The following SLC35B4 variants were observed in gnomAD, a reference collection of about 807,000 sequenced individuals.
SLC35B4 encodes solute carrier family 35 member B4.
In SLC35B4, 28 loss-of-function variants were observed where a neutral mutation model predicts 39.5. That is an observed-to-expected ratio of 0.71 (90% CI 0.53 to 0.97). The LOEUF is 0.97. SLC35B4 is among the 50% of genes least tolerant of loss of function. SLC35B4 has a pLI of 0.00. For missense variants in SLC35B4, 334 were observed against 414.3 expected (o/e 0.81, Z 1.68); for synonymous variants, 145 against 150.4 (o/e 0.96, Z 0.26).
rs13227485 is a variant in SLC35B4, at chr7:134,302,420, A to G, written c.345-310T>C. ...TGTTGCATTCTGCTCTCAAGAGTCC[A>G]GATGAAAGGCTGACCCAGTCCTTAC... On this transcript the variant is annotated intron_variant, in intron 4 of 9. Coordinates refer to ENST00000378509, the MANE Select transcript of SLC35B4 (RefSeq NM_032826.5). 7.0e-3 allele frequency among the ~76,000 whole-genome samples: 1,074 copies of G among 152,348 alleles called. 5 individuals are homozygous for G. Among genetic ancestry groups the G allele is most frequent in the Middle Eastern group, 0.02 (6 of 294 alleles).
At position 134,301,757 on chromosome 7, in the gene SLC35B4, T is replaced by G; in HGVS notation, c.487+4A>C. 1.2e-6 allele frequency: 2 copies of G among 1,613,194 alleles called. No homozygotes were observed. The highest frequency in any genetic ancestry group is 1.7e-6 in the Non-Finnish European group (2 of 1,179,218). On this transcript the variant is annotated splice_donor_region_variant and intron_variant, in intron 6 of 9. Coordinates refer to ENST00000378509, the MANE Select transcript of SLC35B4 (RefSeq NM_032826.5). ...ATTAGCTTTATTATAATTATTGTAC[T>G]TGCCTAGTAACCACCACACAAATGC...
At chr7:134,305,923 C>A (rs1219935334) in intron 3 of SLC35B4, among the ~76,000 whole-genome samples, 1 of 152,328 alleles carries the variant, frequency 6.6e-6, no homozygotes. Context: ...CCCACCTCAG[C>A]CTCCCAAAGT....
intron 2 of SLC35B4, among the ~76,000 whole-genome samples, chr7:134,307,449 T>C (rs1296046668): frequency 6.6e-6 from 1 of 152,228 alleles, no homozygotes; most frequent in African/African-American, 2.4e-5. Flanking sequence ...GTCATCACTG[T>C]GATTCAGAAA....
chr7:134,301,786 G>A lies in SLC35B4; in HGVS notation c.462C>T (p.Phe154=). The A allele has an allele frequency of 4.3e-6, 7 of 1,614,012 alleles. No individual in the cohort carries two copies. Among genetic ancestry groups the A allele is most frequent in the Non-Finnish European group, 5.9e-6 (7 of 1,179,948 alleles). The stretch of plus-strand genomic sequence containing the variant: ...CTAGTAACCACCACACAAATGCCTG[G>A]AATCCATCATTCTCACTCAAGCTGG... ...SQSSLSENDG[F]QAFVWWLLGI... The change falls in exon 6 of 10, where the codon TTC becomes TTT. Residue 154 remains phenylalanine, a synonymous_variant. Transcript: ENST00000378509.
rs1465348880 is a variant in SLC35B4, at chr7:134,296,459, A to G, written c.681T>C (p.Tyr227=). 1 of 1,613,082 alleles carries G rather than the reference A, an allele frequency of 6.2e-7. No individual in the cohort carries two copies. The highest frequency in any genetic ancestry group is 1.7e-5 in the Admixed American group (1 of 59,986). Residue 227 remains tyrosine, a synonymous_variant, in exon 9 of 10, where the codon TAT becomes TAC. Coordinates refer to ENST00000378509, the MANE Select transcript of SLC35B4 (RefSeq NM_032826.5). ...HAVLFNKSEL[Y]EIPVIGVTLP... ...GGGTCACTCCGATGACGGGAATTTC[A>G]TATAACTCTGTAGAGGTTACAAGAG...
chr7:134,309,396 A>C lies in SLC35B4; in HGVS notation c.161T>G (p.Leu54Trp), dbSNP rs200701170. Reference sequence around the variant, plus strand: ...TGGGATAGCTGGTGGCTTCCTTCCCAAATCAGCTTCAAAGAGGAAGCCTTC... The same window carrying C: ...TGGGATAGCTGGTGGCTTCCTTCCCCAATCAGCTTCAAAGAGGAAGCCTTC... Reference protein sequence around the residue: ...AVEGFLFEADLGRKPPAIPIR... With the variant: ...AVEGFLFEADWGRKPPAIPIR... Residue 54 changes from leucine to tryptophan, a missense_variant, in exon 2 of 10, where the codon TTG (leucine) becomes TGG (tryptophan). Leu to Trp is a moderately conservative substitution (Grantham distance 61). Coordinates refer to ENST00000378509, the MANE Select transcript of SLC35B4 (RefSeq NM_032826.5). 1.0e-4 allele frequency: 167 copies of C among 1,610,880 alleles called. No individual in the cohort carries two copies. The African/African-American group carries it at 1.9e-3, about 18-fold the overall frequency.
Position 134,294,825 on chromosome 7 carries a change from G to A in SLC35B4, c.*8C>T. The A allele has an allele frequency of 6.2e-7, 1 of 1,613,770 alleles. No homozygotes were observed. Among genetic ancestry groups the A allele is most frequent in the Non-Finnish European group, 8.5e-7 (1 of 1,179,926 alleles). On this transcript the variant is annotated 3_prime_UTR_variant, in exon 10 of 10. Coordinates refer to ENST00000378509, the MANE Select transcript of SLC35B4 (RefSeq NM_032826.5). ...CGACGACACTGGTCTACGTACTCCAGACAGGCCTCAGTTCTTCTTGCTGTC... is the reference window on the plus strand; with the variant it reads ...CGACGACACTGGTCTACGTACTCCAAACAGGCCTCAGTTCTTCTTGCTGTC...
rs539346719 is a variant in SLC35B4 at position 134,300,197 on chromosome 7, G to C, written c.552C>G (p.Leu184=). The C allele has an allele frequency of 3.7e-5, 59 of 1,612,962 alleles. No individual in the cohort carries two copies. The South Asian group carries it at 5.2e-4, about 14-fold the overall frequency. Residue 184 remains leucine, a synonymous_variant, in exon 7 of 10, where the codon CTC becomes CTG. Transcript: ENST00000378509. The stretch of plus-strand genomic sequence containing the variant: ...TGGAGTGTTTCCCAAATCGTTTGTA[G>C]AGAGTCTCTTGGAATATCCCCATCC... ...SARMGIFQET[L]YKRFGKHSKE...
chr7:134,302,351 G>A (rs762713041), intron 4 of SLC35B4, among the ~76,000 whole-genome samples: 46 of 152,108 alleles, frequency 3.0e-4, no homozygotes, highest in Non-Finnish European at 6.0e-4. Flanking sequence ...CTGACCAATC[G>A]ATTATTTCAT....
At chr7:134,301,335 GC>G (rs1236200177) in intron 6 of SLC35B4, among the ~76,000 whole-genome samples, 3 of 152,174 alleles carry the variant, frequency 2.0e-5, no homozygotes, top group Non-Finnish European at 4.4e-5. Context: ...TGGGAACACT[GC>G]CATATGGAAC....
upstream of SLC35B4, among the ~76,000 whole-genome samples, chr7:134,317,321 C>T (rs975735334): frequency 3.3e-5 from 5 of 152,022 alleles, no homozygotes; most frequent in Admixed American, 2.6e-4. Flanking sequence ...ATATATGTAT[C>T]TTTGGTGACT....
Position 134,294,929 on chromosome 7 carries a change from G to C in SLC35B4, c.900C>G (p.Thr300=). 6.2e-7 allele frequency: 1 copy of C among 1,614,168 alleles called. No homozygotes were observed. The highest frequency in any genetic ancestry group is 8.5e-7 in the Non-Finnish European group (1 of 1,180,028). The change falls in exon 10 of 10, where the codon ACC becomes ACG. Residue 300 remains threonine, a synonymous_variant. Coordinates refer to ENST00000378509, the MANE Select transcript of SLC35B4 (RefSeq NM_032826.5). ...TTAAGGTCCCAATGAAGACAAACAAGGTGCCCAGCCAGTGCCACAGGGTGA... is the reference window on the plus strand; with the variant it reads ...TTAAGGTCCCAATGAAGACAAACAACGTGCCCAGCCAGTGCCACAGGGTGA... ...NPFTLWHWLG[T]LFVFIGTLMY...
At chr7:134,304,559 C>T (rs1271810087) in intron 4 of SLC35B4, among the ~76,000 whole-genome samples, 1 of 152,136 alleles carries the variant, frequency 6.6e-6, no homozygotes, top group African/African-American at 2.4e-5. Context: ...TAGTATGACA[C>T]TAAAATTCAG....
At chr7:134,315,425 C>G (rs1646702) in intron 1 of SLC35B4, among the ~76,000 whole-genome samples, 73,725 of 151,858 alleles carry the variant, frequency 0.49, 18,234 homozygotes, top group Admixed American at 0.55. Context: ...TGATATGATG[C>G]CACAAGTGAA....
upstream of SLC35B4, among the ~76,000 whole-genome samples, chr7:134,320,075 C>T (rs958942071): frequency 5.3e-5 from 8 of 152,082 alleles, no homozygotes; most frequent in African/African-American, 1.2e-4. Flanking sequence ...TTGTGTAGTA[C>T]GACATAACAA....
intron 6 of SLC35B4, among the ~76,000 whole-genome samples, chr7:134,300,963 C>A (rs1803567151): frequency 1.3e-5 from 2 of 152,164 alleles, no homozygotes; most frequent in African/African-American, 4.8e-5. Flanking sequence ...ACTAGTGAGG[C>A]TGAACCTAAA....
At chr7:134,304,247 C>T (rs928805161) in intron 4 of SLC35B4, among the ~76,000 whole-genome samples, 6 of 151,938 alleles carry the variant, frequency 3.9e-5, no homozygotes, top group Admixed American at 2.6e-4. Context: ...AAAAGTTAGC[C>T]GGGCATGGTG....
At position 134,291,778 on chromosome 7, in the gene SLC35B4, C is replaced by A. The variant is rs61742079; in HGVS notation, c.*3055G>T. ...GTACATTACAGTTGTTTTAGTTGGACGAAAAAGAAAACAAAGAATCAAAAA... is the reference window on the plus strand; with the variant it reads ...GTACATTACAGTTGTTTTAGTTGGAAGAAAAAGAAAACAAAGAATCAAAAA... On this transcript the variant is annotated 3_prime_UTR_variant, in exon 10 of 10. Coordinates refer to ENST00000378509, the MANE Select transcript of SLC35B4 (RefSeq NM_032826.5). 3 of 151,814 alleles carry A rather than the reference C, an allele frequency of 2.0e-5. No homozygotes were observed. The highest frequency in any genetic ancestry group is 7.3e-5 in the African/African-American group (3 of 41,302). 9.4% of individuals were successfully genotyped at this position (151,814 alleles called of 1,614,324 possible).
intron 1 of SLC35B4, among the ~76,000 whole-genome samples, chr7:134,313,474 A>G (rs886799524): frequency 1.7e-4 from 26 of 152,198 alleles, no homozygotes; most frequent in Non-Finnish European, 2.6e-4. Context: ...TTGCCTAGTT[A>G]GTTAGCTGGT....
Sources: gnomAD v4.1 joint callset for allele counts (sites outside exome capture counted in the v4.1 genomes callset) on GRCh38, gnomAD v4.1.1 for gene constraint, MANE v1.5 for transcripts, NCBI Gene and HGNC (gene_info 2026-07-23, HGNC 2026-07-21) for gene names.